Variants in RCOR1 observed in about 807,000 individuals in gnomAD.
RCOR1 encodes REST corepressor.
A neutral mutation model predicts 64.0 loss-of-function variants in RCOR1; 12 were observed. The observed-to-expected ratio is 0.19, with a 90% CI of 0.12 to 0.30. The LOEUF is 0.30. Ranked by LOEUF, RCOR1 falls within the 10% of genes least tolerant of loss-of-function variation. The pLI is 1.00. For missense variants in RCOR1, 502 were observed against 621.2 expected (o/e 0.81, Z 2.04); for synonymous variants, 279 against 227.2 (o/e 1.23, Z -2.05).
At position 102,621,367 on chromosome 14, in the gene RCOR1, CTTTT is replaced by C. The variant is rs35481023; in HGVS notation, c.361+28065_361+28068del. Among the ~76,000 whole-genome samples the C allele has an allele frequency of 4.8e-4, 38 of 78,514 alleles. No individual in the cohort carries two copies. In the East Asian group the frequency reaches 5.8e-3, roughly 12 times the overall value. 51.5% of individuals were successfully genotyped at this position (78,514 alleles called of 152,430 possible). A position where few individuals can be genotyped will look rare whatever the true frequency, so the allele number is the denominator to read the frequency against. ...AACTGTCTTGCACACCAGTCTTTGT[CTTTT>C]TTTTTTTTTTTTTTTTTTTTTTGAG... On this transcript the variant is annotated intron_variant, in intron 2 of 11. Transcript: ENST00000262241.
chr14:102,653,985 T>A (rs1894664109), intron 2 of RCOR1, among the ~76,000 whole-genome samples: 1 of 105,744 alleles, frequency 9.5e-6, no homozygotes, highest in South Asian at 3.1e-4. Flanking sequence ...CTTTCTTTCT[T>A]TTTTTTTTTT....
rs1384728726 is a variant in RCOR1 at position 102,699,296 on chromosome 14, A to AGT, written c.446-1981_446-1980dup. Among the ~76,000 whole-genome samples, 3 of 152,366 alleles carry AGT rather than the reference A, an allele frequency of 2.0e-5. No homozygotes were observed. In the East Asian group the frequency reaches 5.8e-4, roughly 29 times the overall value. On this transcript the variant is annotated intron_variant, in intron 3 of 11. Transcript: ENST00000262241. ...TGAAATTTTACTGTAATCTGAGTGA[A>AGT]GTAACCAGTTTGTAACTATTTTAAA...
chr14:102,653,365 C>T (rs1894631769), intron 2 of RCOR1, among the ~76,000 whole-genome samples: 1 of 152,076 alleles, frequency 6.6e-6, no homozygotes, highest in Non-Finnish European at 1.5e-5. Flanking sequence ...ACCACAGGCA[C>T]TCGCTACCGT....
At chr14:102,605,591 C>T (rs892981336) in intron 2 of RCOR1, among the ~76,000 whole-genome samples, 3 of 152,124 alleles carry the variant, frequency 2.0e-5, no homozygotes, top group Admixed American at 2.0e-4. Context: ...GCCAGTCTTA[C>T]AAAATCTAGC....
chr14:102,613,885 CTTTTTTTTTT>C (rs71119719), intron 2 of RCOR1, among the ~76,000 whole-genome samples: 44 of 55,514 alleles, frequency 7.9e-4, no homozygotes, highest in Admixed American at 3.7e-3. Context: ...ATTAACTATT[CTTTTTTTTTT>C]TTTTTTTTTT....
rs529429077 is a variant in RCOR1 at position 102,629,450 on chromosome 14, C to A, written c.361+36125C>A. Among the ~76,000 whole-genome samples, 59 of 151,982 alleles carry A rather than the reference C, an allele frequency of 3.9e-4. 2 individuals are homozygous for A. The highest frequency in any genetic ancestry group is 3.7e-3 in the East Asian group (19 of 5,174). The stretch of plus-strand genomic sequence containing the variant: ...TTGTTGCCTTAACAGCCTCCCCCCC[C>A]CCCACCACTGCTTCTAGAATAGTGC... On this transcript the variant is annotated intron_variant, in intron 2 of 11. Transcript: ENST00000262241.
intron 2 of RCOR1, chr14:102,651,128 C>G: frequency 1.0e-6 from 1 of 968,742 alleles, no homozygotes; most frequent in Non-Finnish European, 1.2e-6. Flanking sequence ...GAGACCAGCT[C>G]GGTCGGGGAG....
chr14:102,730,304 T>A lies in RCOR1; in HGVS notation c.*3798T>A. 1 of 303,868 alleles carries A rather than the reference T, an allele frequency of 3.3e-6. No homozygotes were observed. Among genetic ancestry groups the A allele is most frequent in the East Asian group, 5.2e-5 (1 of 19,114 alleles). The allele number at this position is 303,868 out of a possible 1,614,324, so 18.8% of individuals were successfully genotyped here. On this transcript the variant is annotated 3_prime_UTR_variant, in exon 12 of 12. Coordinates refer to ENST00000262241, the MANE Select transcript of RCOR1 (RefSeq NM_015156.4). ...CTGTATATCTTTTGAAGTGATGAAATCCACGTTGGAATTTTAAAGAAAATA... is the reference window on the plus strand; with the variant it reads ...CTGTATATCTTTTGAAGTGATGAAAACCACGTTGGAATTTTAAAGAAAATA...
chr14:102,727,342 A>T lies in RCOR1; in HGVS notation c.*836A>T, dbSNP rs1369738622. 1 of 131,818 alleles carries T rather than the reference A, an allele frequency of 7.6e-6. No individual in the cohort carries two copies. Among genetic ancestry groups the T allele is most frequent in the East Asian group, 2.4e-4 (1 of 4,198 alleles). The allele number at this position is 131,818 out of a possible 1,614,324, so 8.2% of individuals were successfully genotyped here. A position where few individuals can be genotyped will look rare whatever the true frequency, so the allele number is the denominator to read the frequency against. ...CACATCACTGTACCTGGTGCTTGTA[A>T]ATTTGGAATTGGTGCCTTCTCCTTT... On this transcript the variant is annotated 3_prime_UTR_variant, in exon 12 of 12. Coordinates refer to ENST00000262241, the MANE Select transcript of RCOR1 (RefSeq NM_015156.4).
intron 2 of RCOR1, among the ~76,000 whole-genome samples, chr14:102,652,737 C>G (rs758005060): frequency 3.3e-5 from 5 of 152,088 alleles, no homozygotes; most frequent in Non-Finnish European, 7.3e-5. Flanking sequence ...CAACCACCTG[C>G]TTTAACATTT....
At position 102,640,611 on chromosome 14, in the gene RCOR1, G is replaced by C. The variant is rs146037358; in HGVS notation, c.362-41284G>C. Among the ~76,000 whole-genome samples the C allele has an allele frequency of 5.3e-5, 8 of 152,304 alleles. No homozygotes were observed. The East Asian group carries it at 1.5e-3, about 29-fold the overall frequency. The stretch of plus-strand genomic sequence containing the variant: ...ATTTCAAAAAAGTTTAGAATGAGAT[G>C]TAATTGAGGTCACATAGCTCTTTTC... On this transcript the variant is annotated intron_variant, in intron 2 of 11. Coordinates refer to ENST00000262241, the MANE Select transcript of RCOR1 (RefSeq NM_015156.4).
At chr14:102,658,773 T>G (rs1894775469) in intron 2 of RCOR1, 1 of 359,776 alleles carries the variant, frequency 2.8e-6, no homozygotes, top group African/African-American at 2.2e-5. Context: ...TCCAGGTTAC[T>G]GTATGCATTG....
chr14:102,613,047 G>GGTT (rs747569160), intron 2 of RCOR1, among the ~76,000 whole-genome samples: 2 of 151,210 alleles, frequency 1.3e-5, no homozygotes, highest in Non-Finnish European at 2.9e-5. Flanking sequence ...TGGTTTTTTT[G>GGTT]GTTGTTGTTG....
intron 2 of RCOR1, chr14:102,658,420 A>G (rs986535205): frequency 1.7e-6 from 1 of 583,532 alleles, no homozygotes; most frequent in South Asian, 7.5e-5. Context: ...TAGGGAGGTA[A>G]GAAGTTGCAG....
chr14:102,649,359 A>G (rs1894539014), intron 2 of RCOR1, among the ~76,000 whole-genome samples: 1 of 152,204 alleles, frequency 6.6e-6, no homozygotes, highest in Non-Finnish European at 1.5e-5. Context: ...CTAAGCAGCT[A>G]GTGTGATATC....
At chr14:102,668,188 A>C (rs1410220725) in intron 2 of RCOR1, among the ~76,000 whole-genome samples, 1 of 152,168 alleles carries the variant, frequency 6.6e-6, no homozygotes, top group Non-Finnish European at 1.5e-5. Flanking sequence ...TCTTCTGTTC[A>C]CCCTGGAGGT....
chr14:102,659,749 A>G (rs958997945), intron 2 of RCOR1, among the ~76,000 whole-genome samples: 2 of 152,204 alleles, frequency 1.3e-5, no homozygotes, highest in Admixed American at 1.3e-4. Context: ...TGCTGCTGCC[A>G]TTTATATAAT....
At chr14:102,611,865 T>A (rs1893641347) in intron 2 of RCOR1, among the ~76,000 whole-genome samples, 1 of 152,196 alleles carries the variant, frequency 6.6e-6, no homozygotes, top group South Asian at 2.1e-4. Context: ...GGTGTCTTGC[T>A]CTGTCACTCA....
At chr14:102,698,824 C>G (rs531514837) in intron 3 of RCOR1, among the ~76,000 whole-genome samples, 1 of 152,152 alleles carries the variant, frequency 6.6e-6, no homozygotes, top group Non-Finnish European at 1.5e-5. Flanking sequence ...GCAGCCTCAT[C>G]TGACATTTTT....
Sources: gnomAD v4.1 joint callset for allele counts (sites outside exome capture counted in the v4.1 genomes callset) on GRCh38, gnomAD v4.1.1 for gene constraint, MANE v1.5 for transcripts, NCBI Gene and HGNC (gene_info 2026-07-23, HGNC 2026-07-21) for gene names.